KLF12: variants seen among roughly 807,000 people sequenced by gnomAD.
KLF12 encodes the protein KLF transcription factor 12.
Under a neutral mutation model 37.8 loss-of-function variants are expected in KLF12, and 9 were observed. The observed-to-expected ratio is 0.24, with a 90% CI of 0.14 to 0.42. The LOEUF is 0.42. Among genes scored for constraint, KLF12 ranks in the 10% least tolerant of loss-of-function variants. KLF12 has a pLI of 1.00. For synonymous variants in KLF12, 208 were observed against 202.1 expected (o/e 1.03, Z -0.25); for missense variants, 411 against 516.0 (o/e 0.80, Z 1.97).
At chr13:73,851,882 A>G (rs1885351709) in intron 3 of KLF12, among the ~76,000 whole-genome samples, 1 of 152,192 alleles carries the variant, frequency 6.6e-6, no homozygotes, top group Non-Finnish European at 1.5e-5. Context: ...TTTTAGGTGA[A>G]GAGCCAAATT....
intron 6 of KLF12, among the ~76,000 whole-genome samples, chr13:73,737,104 A>G (rs1190969307): frequency 2.0e-5 from 3 of 152,116 alleles, no homozygotes; most frequent in African/African-American, 7.2e-5. Context: ...TTACTAGATT[A>G]CCTGAGGGCA....
At chr13:74,068,558 CTT>C (rs71115634) in intron 1 of KLF12, among the ~76,000 whole-genome samples, 73 of 135,126 alleles carry the variant, frequency 5.4e-4, no homozygotes, top group African/African-American at 6.7e-4. Context: ...AAATTTTTTT[CTT>C]TTTTTTTTTT....
chr13:74,154,360 C>T, the KLF12 span, among the ~76,000 whole-genome samples: 1 of 151,744 alleles, frequency 6.6e-6, no homozygotes, highest in Non-Finnish European at 1.5e-5. Flanking sequence ...GTATTTACAT[C>T]CCTAGACAAA....
rs548174247 is a variant in KLF12 at position 73,906,534 on chromosome 13, C to T, written c.123+37447G>A. 3.3e-5 allele frequency among the ~76,000 whole-genome samples: 5 copies of T among 152,278 alleles called. No individual in the cohort carries two copies. In the South Asian group the frequency reaches 1.0e-3, roughly 32 times the overall value. On this transcript the variant is annotated intron_variant, in intron 3 of 7. Coordinates refer to ENST00000377669, the MANE Select transcript of KLF12 (RefSeq NM_007249.5). ...GTTCTTGTTCAGATCTTCCTGATTA[C>T]TGTCAACAGTTTTTCATTACTTGCT...
intron 1 of KLF12, among the ~76,000 whole-genome samples, chr13:74,001,404 G>C (rs1226583019): frequency 6.6e-6 from 1 of 152,202 alleles, no homozygotes; most frequent in Non-Finnish European, 1.5e-5. Flanking sequence ...CAAATGCATA[G>C]TTCACACAGC....
At chr13:73,981,790 A>C (rs1891695166) in intron 2 of KLF12, among the ~76,000 whole-genome samples, 1 of 152,176 alleles carries the variant, frequency 6.6e-6, no homozygotes, top group Non-Finnish European at 1.5e-5. Context: ...TGCAGCTAAG[A>C]GTAACCCCTG....
In KLF12 at chr13:74,039,982, C is replaced by T. The variant is rs561490285; in HGVS notation, c.-31-44929G>A. Among the ~76,000 whole-genome samples the T allele has an allele frequency of 5.3e-5, 8 of 152,258 alleles. No individual in the cohort carries two copies. The East Asian group carries it at 1.5e-3, about 29-fold the overall frequency. ...ACACCAACTCATGGATGTCAAAGACCAAGTGTGGTTAGTAGACAATCTAGA... is the reference window on the plus strand; with the variant it reads ...ACACCAACTCATGGATGTCAAAGACTAAGTGTGGTTAGTAGACAATCTAGA... On this transcript the variant is annotated intron_variant, in intron 1 of 7. Transcript: ENST00000377669.
intron 3 of KLF12, among the ~76,000 whole-genome samples, chr13:73,936,122 T>C (rs1889912191): frequency 1.3e-5 from 2 of 152,212 alleles, no homozygotes. Context: ...TTTTAAAACT[T>C]GGTTATAAGT....
At chr13:74,042,979 G>C (rs1555335329) in intron 1 of KLF12, among the ~76,000 whole-genome samples, 1 of 152,026 alleles carries the variant, frequency 6.6e-6, no homozygotes, top group Non-Finnish European at 1.5e-5. Flanking sequence ...AAGTTTAGTG[G>C]GGATCTTTCA....
At chr13:73,745,300 C>G (rs779934245) in intron 6 of KLF12, among the ~76,000 whole-genome samples, 4 of 152,112 alleles carry the variant, frequency 2.6e-5, no homozygotes, top group Non-Finnish European at 5.9e-5. Context: ...TATCCAATTG[C>G]AACTAAAATC....
the KLF12 span, among the ~76,000 whole-genome samples, chr13:74,195,634 T>C: frequency 1.3e-5 from 2 of 152,218 alleles, no homozygotes; most frequent in Admixed American, 1.3e-4. Context: ...GTTCTCACTC[T>C]GTTGCCCAGG....
the KLF12 span, among the ~76,000 whole-genome samples, chr13:74,211,910 C>T: frequency 6.6e-6 from 1 of 152,264 alleles, no homozygotes; most frequent in Non-Finnish European, 1.5e-5. Flanking sequence ...TGACCTCATT[C>T]ACTGATCTTT....
At chr13:73,838,920 C>G (rs1038354288) in intron 4 of KLF12, among the ~76,000 whole-genome samples, 19 of 152,122 alleles carry the variant, frequency 1.2e-4, no homozygotes, top group Admixed American at 1.2e-3. Flanking sequence ...CCTGGCTGCA[C>G]CAGGCTTCTG....
At chr13:74,137,870 C>G (rs1412960983), upstream of KLF12, among the ~76,000 whole-genome samples, 2 of 152,210 alleles carry the variant, frequency 1.3e-5, no homozygotes, top group South Asian at 4.1e-4. Flanking sequence ...AAGCGATTCT[C>G]CTGCCTCAGA....
At chr13:74,018,661 GTAA>G (rs1394420797) in intron 1 of KLF12, among the ~76,000 whole-genome samples, 8 of 152,238 alleles carry the variant, frequency 5.3e-5, no homozygotes, top group Middle Eastern at 3.4e-3. Flanking sequence ...ATTTAAATTA[GTAA>G]TAATGTTTCT....
At position 73,792,430 on chromosome 13, in the gene KLF12, A is replaced by T. The variant is rs1229484553; in HGVS notation, c.806+20722T>A. ...CCAATTTATCTTGCATTTTGTTTCA[A>T]TTAGAGAGTGTAAAAGAATCAAGAT... On this transcript the variant is annotated intron_variant, in intron 5 of 7. Coordinates refer to ENST00000377669, the MANE Select transcript of KLF12 (RefSeq NM_007249.5). Among the ~76,000 whole-genome samples the T allele has an allele frequency of 2.0e-5, 3 of 152,302 alleles. 1 individual carries two copies. The East Asian group carries it at 5.8e-4, about 29-fold the overall frequency.
intron 6 of KLF12, among the ~76,000 whole-genome samples, chr13:73,720,771 C>T (rs912338574): frequency 6.6e-6 from 1 of 152,056 alleles, no homozygotes; most frequent in Non-Finnish European, 1.5e-5. Context: ...CACATGGCTG[C>T]CATGAAAGAA....
chr13:73,932,041 AAAG>A (rs1018897785), intron 3 of KLF12, among the ~76,000 whole-genome samples: 3 of 152,142 alleles, frequency 2.0e-5, no homozygotes, highest in Non-Finnish European at 4.4e-5. Flanking sequence ...AAAAAAAAGA[AAAG>A]AAATTCCTTC....
At chr13:73,696,040 G>A (rs189260763) in intron 7 of KLF12, among the ~76,000 whole-genome samples, 8 of 152,184 alleles carry the variant, frequency 5.3e-5, no homozygotes. Flanking sequence ...GAATTCTTAC[G>A]GTCAAGCAGT....
Sources: gnomAD v4.1 joint callset for allele counts (sites outside exome capture counted in the v4.1 genomes callset) on GRCh38, gnomAD v4.1.1 for gene constraint, MANE v1.5 for transcripts, NCBI Gene and HGNC (gene_info 2026-07-23, HGNC 2026-07-21) for gene names.